Variants in ERC2 observed in about 807,000 individuals in gnomAD.
ERC2 encodes the protein ELKS/RAB6-interacting/CAST family member 2.
In ERC2, 42 loss-of-function variants were observed where a neutral mutation model predicts 114.8. The ratio of observed to expected loss-of-function variants is 0.37; its 90% CI spans 0.29 to 0.47. The LOEUF (loss-of-function observed/expected upper bound fraction) is 0.47, where lower values mean the gene tolerates loss of function less well. ERC2 is among the 20% of genes least tolerant of loss of function. The pLI, the probability that ERC2 is intolerant of heterozygous loss-of-function variation, is 0.99. For synonymous variants in ERC2, 454 were observed against 425.5 expected, an observed-to-expected ratio of 1.07 and a Z score of -0.82; for missense variants, 939 against 1,150.7, an observed-to-expected ratio of 0.82 and a Z score of 2.66.
intron 14 of ERC2, among the ~76,000 whole-genome samples, chr3:55,740,213 C>A (rs2065895287): frequency 6.6e-6 from 1 of 152,010 alleles, no homozygotes; most frequent in Admixed American, 6.6e-5. Flanking sequence ...TCAAATTAGC[C>A]TTAATTATCA....
chr3:55,618,712 T>A (rs1477674026), intron 17 of ERC2, among the ~76,000 whole-genome samples: 2 of 152,256 alleles, frequency 1.3e-5, no homozygotes, highest in Non-Finnish European at 2.9e-5. Context: ...AGGGGACTTT[T>A]ATTTTCTTTG....
chr3:56,207,968 CATT>C (rs2048841204), intron 3 of ERC2, among the ~76,000 whole-genome samples: 1 of 152,144 alleles, frequency 6.6e-6, no homozygotes, highest in African/African-American at 2.4e-5. Flanking sequence ...GACAGTAAAA[CATT>C]ATGTTTTCCT....
intron 12 of ERC2, among the ~76,000 whole-genome samples, chr3:55,967,761 T>C (rs1328366198): frequency 2.0e-5 from 3 of 152,184 alleles, no homozygotes; most frequent in Admixed American, 6.5e-5. Context: ...ACCGTCCTTA[T>C]GAATGGATTA....
At chr3:56,149,945 G>A (rs2081331478) in intron 4 of ERC2, among the ~76,000 whole-genome samples, 1 of 152,000 alleles carries the variant, frequency 6.6e-6, no homozygotes, top group African/African-American at 2.4e-5. Flanking sequence ...AGAAGAGAGA[G>A]CTCTTATAGG....
rs975393731 is a variant in ERC2, at chr3:56,104,606, A to G, written c.1474-23622T>C. ...TGGGCTATGTGTCTTTGAATGCGAC[A>G]GGACTAGGACACATTCTAGATCCTG... On this transcript the variant is annotated intron_variant, in intron 6 of 17. Transcript: ENST00000288221. Among the ~76,000 whole-genome samples, 7 of 150,650 alleles carry G rather than the reference A, an allele frequency of 4.6e-5. No individual in the cohort carries two copies. The Admixed American group carries it at 4.7e-4, about 10-fold the overall frequency.
intron 14 of ERC2, among the ~76,000 whole-genome samples, chr3:55,847,693 G>GAGAAAAAGAAAGGAAAT (rs372409657): frequency 0.033 from 4,956 of 152,182 alleles, 101 homozygotes; most frequent in South Asian, 0.09. Context: ...AGAAAGGAAA[G>GAGAAAAAGAAAGGAAAT]AGAAAAAGAA....
At chr3:55,895,174 C>T (rs1275813552) in intron 13 of ERC2, among the ~76,000 whole-genome samples, 1 of 152,188 alleles carries the variant, frequency 6.6e-6, no homozygotes. Context: ...CAATGTTTCC[C>T]AAACTTGGTT....
At chr3:55,865,596 AC>A (rs1344078907) in intron 14 of ERC2, among the ~76,000 whole-genome samples, 1 of 151,936 alleles carries the variant, frequency 6.6e-6, no homozygotes, top group Non-Finnish European at 1.5e-5. Context: ...AGAACCCTAT[AC>A]CCATTACCAG....
intron 3 of ERC2, among the ~76,000 whole-genome samples, chr3:56,290,882 T>C (rs1257682859): frequency 6.6e-6 from 1 of 152,156 alleles, no homozygotes; most frequent in African/African-American, 2.4e-5. Context: ...GGGGTTTTGC[T>C]TGTCCTGGGT....
chr3:55,711,159 A>G (rs2063758163), intron 15 of ERC2, among the ~76,000 whole-genome samples: 1 of 152,232 alleles, frequency 6.6e-6, no homozygotes, highest in Non-Finnish European at 1.5e-5. Flanking sequence ...TGATGGCTAC[A>G]GATAGGTTAA....
intron 14 of ERC2, among the ~76,000 whole-genome samples, chr3:55,768,791 C>T (rs1362920856): frequency 3.3e-5 from 5 of 152,110 alleles, no homozygotes; most frequent in African/African-American, 4.8e-5. Context: ...GAGTAGGCAG[C>T]GGGCAGCAGC....
intron 2 of ERC2, among the ~76,000 whole-genome samples, chr3:56,353,319 C>G (rs1248912149): frequency 6.6e-6 from 1 of 151,988 alleles, no homozygotes; most frequent in Non-Finnish European, 1.5e-5. Context: ...TCTCTCCATT[C>G]TGATCTCATA....
chr3:55,940,317 A>G (rs1169104263), intron 13 of ERC2, among the ~76,000 whole-genome samples: 2 of 152,076 alleles, frequency 1.3e-5, no homozygotes, highest in Admixed American at 1.3e-4. Context: ...AGAAAAAAAA[A>G]TCACTCGAGC....
At chr3:56,329,649 T>G (rs779772500) in intron 2 of ERC2, among the ~76,000 whole-genome samples, 1 of 152,146 alleles carries the variant, frequency 6.6e-6, no homozygotes, top group Non-Finnish European at 1.5e-5. Flanking sequence ...TGAGAAGCAC[T>G]TGTGAAGGTC....
At chr3:55,794,985 T>C (rs1010390688) in intron 14 of ERC2, among the ~76,000 whole-genome samples, 3 of 152,208 alleles carry the variant, frequency 2.0e-5, no homozygotes, top group African/African-American at 4.8e-5. Flanking sequence ...AGGAAATAAA[T>C]GGTTGATTTG....
chr3:56,141,320 T>G (rs903881245), intron 5 of ERC2, among the ~76,000 whole-genome samples: 3 of 152,184 alleles, frequency 2.0e-5, no homozygotes, highest in African/African-American at 7.2e-5. Context: ...TGCCAACAAA[T>G]GCAGCAAAAT....
intron 2 of ERC2, among the ~76,000 whole-genome samples, chr3:56,426,263 A>T (rs2107285303): frequency 6.6e-6 from 1 of 152,302 alleles, no homozygotes; most frequent in Non-Finnish European, 1.5e-5. Context: ...AGTACATCTG[A>T]GTCGCTGGCA....
chr3:56,058,975 C>T (rs2076128851), intron 7 of ERC2, among the ~76,000 whole-genome samples: 1 of 152,164 alleles, frequency 6.6e-6, no homozygotes, highest in African/African-American at 2.4e-5. Context: ...GGCCCTTACC[C>T]ACTCTCCCTG....
At chr3:55,853,061 A>T (rs531333555) in intron 14 of ERC2, among the ~76,000 whole-genome samples, 2 of 152,272 alleles carry the variant, frequency 1.3e-5, no homozygotes, top group South Asian at 2.1e-4. Context: ...CCAGTTGTCA[A>T]ATATTCCTGG....
Sources: gnomAD v4.1 joint callset for allele counts (sites outside exome capture counted in the v4.1 genomes callset) on GRCh38, gnomAD v4.1.1 for gene constraint, MANE v1.5 for transcripts, NCBI Gene and HGNC (gene_info 2026-07-23, HGNC 2026-07-21) for gene names.